Variants in ASH2L observed in about 807,000 individuals in gnomAD.
ASH2L encodes the protein set1/Ash2 histone methyltransferase complex subunit ASH2.
In ASH2L, 30 loss-of-function variants were observed where a neutral mutation model predicts 81.1. That is an observed-to-expected ratio of 0.37 (90% confidence interval 0.28 to 0.50). The LOEUF (loss-of-function observed/expected upper bound fraction) is 0.50. Among genes scored for constraint, ASH2L ranks in the 20% least tolerant of loss-of-function variants. The pLI, the probability that ASH2L is intolerant of heterozygous loss-of-function variation, is 0.95. For synonymous variants in ASH2L, 273 were observed against 279.9 expected, an observed-to-expected ratio of 0.98 and a Z score of 0.24; for missense variants, 559 against 792.1, an observed-to-expected ratio of 0.71 and a Z score of 3.53.
chr8:38,127,177 A>AC (rs1333545380), intron 10 of ASH2L, among the ~76,000 whole-genome samples: 2 of 151,058 alleles, frequency 1.3e-5, no homozygotes, highest in African/African-American at 2.4e-5. Flanking sequence ...AAAAAAAAAA[A>AC]AACTAGTCAA....
At position 38,110,809 on chromosome 8, in the gene ASH2L, G is replaced by C; in HGVS notation, c.561G>C (p.Pro187=). Residue 187 remains proline (P), a synonymous_variant, in exon 5 of 16, where the codon CCG becomes CCC. Transcript: ENST00000343823. ...TWQSRTQDEH[P]KTMFSKDKDI... ...AGTCCCGAACACAGGATGAACATCCGAAGACAATGTTCTCCAAAGATAAGG... is the reference window on the plus strand; with the variant it reads ...AGTCCCGAACACAGGATGAACATCCCAAGACAATGTTCTCCAAAGATAAGG... The C allele has an allele frequency of 6.2e-7, 1 of 1,613,700 alleles. No homozygotes were observed. The highest frequency in any genetic ancestry group is 8.5e-7 in the Non-Finnish European group (1 of 1,179,872).
At chr8:38,130,283 T>C (rs2130561827) in intron 12 of ASH2L, among the ~76,000 whole-genome samples, 1 of 149,624 alleles carries the variant, frequency 6.7e-6, no homozygotes, top group East Asian at 1.9e-4. Flanking sequence ...GGTTTGGTAT[T>C]TTTTGTTTTT....
At chr8:38,119,411 G>C (rs1811042221) in intron 9 of ASH2L, 48 bp downstream of exon 9, 1 of 1,424,712 alleles carries the variant, frequency 7.0e-7, no homozygotes, top group African/African-American at 1.5e-5. Flanking sequence ...AGTATTATTT[G>C]GTGCTGGGAA....
chr8:38,136,303 C>T (rs910545757), intron 14 of ASH2L, among the ~76,000 whole-genome samples: 1 of 150,500 alleles, frequency 6.6e-6, no homozygotes, highest in Non-Finnish European at 1.5e-5. Context: ...GTCATGGGCT[C>T]AAGCAGTTCT....
chr8:38,106,354 T>C, intron 1 of ASH2L, 24 bp from the exon 2 acceptor site: 1 of 1,611,038 alleles, frequency 6.2e-7, no homozygotes, highest in Non-Finnish European at 8.5e-7. Flanking sequence ...GAATTCTTAC[T>C]TGAGCGCTTT....
At chr8:38,108,619 A>G (rs1563249755) in intron 3 of ASH2L, among the ~76,000 whole-genome samples, 1 of 151,978 alleles carries the variant, frequency 6.6e-6, no homozygotes, top group Non-Finnish European at 1.5e-5. Context: ...GGAGTTCAAA[A>G]CCAGCCTGAC....
rs1111460 is a variant in ASH2L at position 38,116,976 on chromosome 8, C to G, written c.853+251C>G. Among the ~76,000 whole-genome samples the G allele has an allele frequency of 0.045, 6,784 of 152,258 alleles. 391 individuals are homozygous for G. Among genetic ancestry groups the G allele is most frequent in the East Asian group, 0.24 (1,223 of 5,176 alleles). On this transcript the variant is annotated intron_variant, in intron 8 of 15. Transcript: ENST00000343823. ...ATAAGACAAGGAACCATTTCAAGGT[C>G]AGATTTGCTGTGTTTATATCTGTAT... is the stretch of plus-strand genomic sequence containing the variant.
At chr8:38,109,288 G>T (rs1810584132) in intron 3 of ASH2L, among the ~76,000 whole-genome samples, 1 of 152,184 alleles carries the variant, frequency 6.6e-6, no homozygotes, top group African/African-American at 2.4e-5. Context: ...AACAGAAGAG[G>T]TTCTACAGAG....
intron 1 of ASH2L, 151 bp from the exon 2 acceptor site, chr8:38,106,227 C>T (rs541930479): frequency 1.4e-6 from 2 of 1,394,750 alleles, no homozygotes; most frequent in African/African-American, 1.4e-5. Context: ...AGTATCCTGA[C>T]AGTACCTTGG....
rs1334926793 is a variant in ASH2L, at chr8:38,139,644, A to G, written c.*573A>G. On this transcript the variant is annotated 3_prime_UTR_variant, in exon 16 of 16. Transcript: ENST00000343823. ...CTCTGGAAGTGTAATTGTGAAAGAA[A>G]CTTGCTTGCAGCTTTAACAAAATGA... The G allele has an allele frequency of 6.6e-6, 1 of 152,402 alleles. No individual in the cohort carries two copies. The highest frequency in any genetic ancestry group is 2.1e-4 in the South Asian group (1 of 4,828). The allele number at this position is 152,402 out of a possible 1,614,324, so 9.4% of individuals were successfully genotyped here. A position where few individuals can be genotyped will look rare whatever the true frequency, so the allele number is the denominator to read the frequency against.
intron 12 of ASH2L, among the ~76,000 whole-genome samples, chr8:38,129,839 GT>G (rs762882907): frequency 5.5e-4 from 84 of 152,258 alleles, no homozygotes; most frequent in Admixed American, 1.4e-3. Context: ...TTGCATGAAT[GT>G]GCCCCAGTGT....
intron 8 of ASH2L, among the ~76,000 whole-genome samples, chr8:38,118,867 T>A (rs559527650): frequency 2.6e-5 from 4 of 152,226 alleles, no homozygotes; most frequent in South Asian, 4.1e-4. Context: ...TCTTTATGGG[T>A]GTTTGTATTA....
chr8:38,137,146 T>C (rs534248154), intron 14 of ASH2L, among the ~76,000 whole-genome samples: 1 of 150,420 alleles, frequency 6.6e-6, no homozygotes, highest in South Asian at 2.1e-4. Flanking sequence ...ACGCCTGTAA[T>C]CCCAGCACTT....
intron 2 of ASH2L, 26 bp from the exon 3 acceptor site, chr8:38,106,995 T>A: frequency 5.6e-6 from 9 of 1,612,672 alleles, no homozygotes; most frequent in Non-Finnish European, 6.8e-6. Flanking sequence ...GTCAACTGAT[T>A]TGAGTCTCGA....
In ASH2L at chr8:38,139,120, T is replaced by C; in HGVS notation, c.*49T>C. On this transcript the variant is annotated 3_prime_UTR_variant, in exon 16 of 16. Coordinates refer to ENST00000343823, the MANE Select transcript of ASH2L (RefSeq NM_004674.5). The stretch of plus-strand genomic sequence containing the variant: ...GACTTTCTGGGAATAATACTGGGGG[T>C]TTTGTTTTTGTTTTTGAACTGTCTC... 7.5e-7 allele frequency: 1 copy of C among 1,338,400 alleles called. No homozygotes were observed. The highest frequency in any genetic ancestry group is 1.0e-6 in the Non-Finnish European group (1 of 981,454). The allele number at this position is 1,338,400 out of a possible 1,614,324, so 82.9% of individuals were successfully genotyped here.
In ASH2L at chr8:38,128,776, T is replaced by C; in HGVS notation, c.1352T>C (p.Leu451Ser). 13 of 1,613,786 alleles carry C rather than the reference T, an allele frequency of 8.1e-6. No individual in the cohort carries two copies. Among genetic ancestry groups the C allele is most frequent in the Non-Finnish European group, 1.1e-5 (13 of 1,179,966 alleles). Residue 451 changes from leucine (L) to serine (S), a missense_variant, in exon 12 of 16, where the codon TTA becomes TCA. Physicochemically the swap from Leu to Ser is moderately radical, Grantham distance 145. Around this residue, in one of 4 missense-constraint regions of ASH2L, gnomAD observed 318 missense variants for 527.0 expected, o/e 0.60. Transcript: ENST00000343823. Reference protein sequence around the residue: ...SQPLGNLQAPLGYDKFSYSWR... With the variant: ...SQPLGNLQAPSGYDKFSYSWR... ...GGGACAGGAAACCTTCAAGCTCCTT[T>C]AGGTTATGATAAATTTAGCTATTCT... is the stretch of plus-strand genomic sequence containing the variant.
chr8:38,106,085 C>G, intron 1 of ASH2L: 2 of 1,524,518 alleles, frequency 1.3e-6, no homozygotes, highest in Non-Finnish European at 1.8e-6. Context: ...ACTCTGAAAA[C>G]AGGGTGGGAG....
chr8:38,114,066 G>C (rs1585572680), intron 5 of ASH2L, 126 bp from the exon 6 acceptor site: 1 of 598,510 alleles, frequency 1.7e-6, no homozygotes, highest in Non-Finnish European at 2.9e-6. Flanking sequence ...ATAACACCGT[G>C]GGGGGAAAAA....
At chr8:38,115,661 A>G (rs1810863871) in intron 7 of ASH2L, among the ~76,000 whole-genome samples, 1 of 152,190 alleles carries the variant, frequency 6.6e-6, no homozygotes, top group African/African-American at 2.4e-5. Flanking sequence ...AAGATTTCAC[A>G]TAGAAATTTA....
Sources: gnomAD v4.1 joint callset for allele counts (sites outside exome capture counted in the v4.1 genomes callset) on GRCh38, gnomAD v4.1.1 for gene constraint, gnomAD v4.1.1 regional missense constraint, MANE v1.5 for transcripts, NCBI Gene and HGNC (gene_info 2026-07-23, HGNC 2026-07-21) for gene names.